The following PLCH2 variants were observed in gnomAD, a reference collection of about 807,000 sequenced individuals.
PLCH2 encodes phospholipase C eta 2.
In PLCH2, 98 loss-of-function variants were observed where a neutral mutation model predicts 134.7. The ratio of observed to expected loss-of-function variants is 0.73; its 90% CI spans 0.62 to 0.86. The LOEUF is 0.86. PLCH2 is among the 40% of genes least tolerant of loss of function. The pLI, the probability that PLCH2 is intolerant of heterozygous loss-of-function variation, is 0.00. For synonymous variants in PLCH2, 974 were observed against 827.5 expected, an observed-to-expected ratio of 1.18 and a Z score of -3.04; for missense variants, 1,994 against 1,986.6, an observed-to-expected ratio of 1.00 and a Z score of -0.07.
chr1:2,446,051 A>G (rs1209619397), intron 2 of PLCH2, among the ~76,000 whole-genome samples: 1 of 152,116 alleles, frequency 6.6e-6, no homozygotes, highest in Admixed American at 6.5e-5. Context: ...AGGGGGGCTG[A>G]GGACCAGCCC....
chr1:2,418,826 C>G, the PLCH2 span, among the ~76,000 whole-genome samples: 1 of 152,240 alleles, frequency 6.6e-6, no homozygotes, highest in Non-Finnish European at 1.5e-5. Flanking sequence ...GGCTGTCCCC[C>G]TCTCCCTGGC....
At chr1:2,463,089 T>C (rs1326710047), upstream of PLCH2, among the ~76,000 whole-genome samples, 2 of 152,294 alleles carry the variant, frequency 1.3e-5, no homozygotes, top group Non-Finnish European at 2.9e-5. Flanking sequence ...TGCATTTCTG[T>C]CTTTAAATGT....
upstream of PLCH2, among the ~76,000 whole-genome samples, chr1:2,464,602 G>C (rs1034348022): frequency 2.3e-4 from 35 of 152,202 alleles, no homozygotes; most frequent in Non-Finnish European, 3.7e-4. Flanking sequence ...GAGGAGGGGG[G>C]CCACCTCCTG....
rs1290596986 is a variant in PLCH2, at chr1:2,444,008, C to A, written c.115+13379C>A. Among the ~76,000 whole-genome samples the A allele has an allele frequency of 6.6e-6, 1 of 152,164 alleles. No homozygotes were observed. The highest frequency in any genetic ancestry group is 1.5e-5 in the Non-Finnish European group (1 of 68,020). On this transcript the variant is annotated intron_variant, in intron 2 of 3. Coordinates refer to the PLCH2 transcript ENST00000609981. This position sits in a 1 kb window ranked among gnomAD's most constrained non-coding sequence, Gnocchi z 4.6. ...CTCCTGCCGCTGCGCCGCTGCCAAC[C>A]GGGATGCGCGGGTGGACGCGCGGGG... is the stretch of plus-strand genomic sequence containing the variant.
At chr1:2,479,277 C>T (rs534588972) in intron 2 of PLCH2, 26 of 168,262 alleles carry the variant, frequency 1.5e-4, no homozygotes, top group Non-Finnish European at 3.0e-4. Flanking sequence ...AGTCGCGCTG[C>T]GGAGCCCCCA....
rs769697292 is a variant in PLCH2, at chr1:2,476,731, GTGGCCTGGGCTGAGTGC to G, written c.124+25_124+41del. The G allele has an allele frequency of 6.3e-7, 1 of 1,595,730 alleles. No individual in the cohort carries two copies. Among genetic ancestry groups the G allele is most frequent in the Admixed American group, 1.7e-5 (1 of 58,286 alleles). On this transcript the variant is annotated intron_variant, in intron 1 of 21. Transcript: ENST00000378486. ...CCCCTGGGTAAGAAGGGGCAGGCGA[GTGGCCTGGGCTGAGTGC>G]TGGCCCTGGCCAGGTGACTGGTGGG...
intron 2 of PLCH2, 183 bp from the exon 3 acceptor site, chr1:2,479,551 G>A: frequency 1.7e-6 from 1 of 605,776 alleles, no homozygotes; most frequent in East Asian, 2.8e-5. Flanking sequence ...CAGCAGTGGG[G>A]GGCTGTGCAG....
rs551225682 is a variant in PLCH2 at position 2,499,292 on chromosome 1, C to T, written c.2581+62C>T. The T allele has an allele frequency of 1.2e-5, 19 of 1,574,898 alleles. No homozygotes were observed. The African/African-American group carries it at 2.4e-4, about 20-fold the overall frequency. On this transcript the variant is annotated intron_variant, in intron 19 of 21. Coordinates refer to ENST00000378486, the MANE Select transcript of PLCH2 (RefSeq NM_014638.4). ...CGAGGGCCCCAGGGCAGGGCAGGTA[C>T]TCTTTCCCCTGTGAGTCAGTGCCTG...
chr1:2,444,674 G>A lies in PLCH2; in HGVS notation c.115+14045G>A, dbSNP rs1639856959. ...AGATAAGAGGCTTCCCCTCCCCTCC[G>A]CTCCCCGCCTCCCACACTGTCTGGT... On this transcript the variant is annotated intron_variant, in intron 2 of 3. Coordinates refer to the PLCH2 transcript ENST00000609981. The surrounding 1 kb of genome is among the most constrained non-coding windows in gnomAD (Gnocchi z 4.6). 6.6e-6 allele frequency among the ~76,000 whole-genome samples: 1 copy of A among 152,092 alleles called. No individual in the cohort carries two copies. The highest frequency in any genetic ancestry group is 6.5e-5 in the Admixed American group (1 of 15,276).
In PLCH2 at chr1:2,477,871, G is replaced by T. The variant is rs529647399; in HGVS notation, c.125-605G>T. ...GGGGGCTTTCCTGGAGATGCCCCAGGCAGGGGCACAGGCACTCAGGAATTC... is the reference window on the plus strand; with the variant it reads ...GGGGGCTTTCCTGGAGATGCCCCAGTCAGGGGCACAGGCACTCAGGAATTC... On this transcript the variant is annotated intron_variant, in intron 1 of 21. Transcript: ENST00000378486. Among the ~76,000 whole-genome samples, 214 of 152,334 alleles carry T rather than the reference G, an allele frequency of 1.4e-3. 1 individual carries two copies. In the Middle Eastern group the frequency reaches 0.048, roughly 34 times the overall value.
At chr1:2,503,021 G>A (rs558057709) in intron 21 of PLCH2, 15 of 714,490 alleles carry the variant, frequency 2.1e-5, no homozygotes, top group African/African-American at 5.2e-5. Context: ...GCTCGTGCTC[G>A]TGGCTCTGTA....
At chr1:2,465,615 T>A (rs114957890), upstream of PLCH2, among the ~76,000 whole-genome samples, 718 of 152,286 alleles carry the variant, frequency 4.7e-3, 7 homozygotes, top group African/African-American at 0.016. Flanking sequence ...CCGGGCCAAA[T>A]GCTCTCAAAG....
At chr1:2,431,744 T>C (rs1190188183) in intron 2 of PLCH2, among the ~76,000 whole-genome samples, 1 of 152,028 alleles carries the variant, frequency 6.6e-6, no homozygotes, top group Non-Finnish European at 1.5e-5. Flanking sequence ...CTCATCACAG[T>C]CCCTGCCTCT....
At chr1:2,475,357 G>A (rs1641557714), upstream of PLCH2, among the ~76,000 whole-genome samples, 1 of 152,216 alleles carries the variant, frequency 6.6e-6, no homozygotes, top group African/African-American at 2.4e-5. Context: ...GAAGAAGGGC[G>A]GGGTTCTCCC....
At chr1:2,416,172 G>A in the PLCH2 span, among the ~76,000 whole-genome samples, 202 of 152,354 alleles carry the variant, frequency 1.3e-3, 1 homozygote, top group African/African-American at 4.3e-3. Flanking sequence ...GGCACCCAGC[G>A]GTCGCTCAGG....
At chr1:2,427,842 G>A (rs1044455560) in intron 1 of PLCH2, among the ~76,000 whole-genome samples, 3 of 152,148 alleles carry the variant, frequency 2.0e-5, no homozygotes, top group Admixed American at 2.0e-4. Context: ...GGTGGGAGCC[G>A]GCTTGGACTC....
upstream of PLCH2, among the ~76,000 whole-genome samples, chr1:2,462,927 G>T (rs768656701): frequency 1.3e-5 from 2 of 152,194 alleles, no homozygotes; most frequent in Non-Finnish European, 2.9e-5. Flanking sequence ...AACCGAAGCC[G>T]TAACATCCAT....
At position 2,489,302 on chromosome 1, in the gene PLCH2, A is replaced by T; in HGVS notation, c.1331A>T (p.Asp444Val). The T allele has an allele frequency of 6.2e-7, 1 of 1,613,824 alleles. No homozygotes were observed. ...ACTGACATCCTTGGGGACAAGCTGG[A>T]CCTGTCATCAGTGAGCAGTGAAGAT... ...YLTDILGDKL[D>V]LSSVSSEDAT... The change falls in exon 9 of 22, where the codon GAC becomes GTC. Residue 444 changes from aspartate to valine, a missense_variant. By Grantham distance (152) the Asp-to-Val change is radical. This residue lies in a region of PLCH2 where 1,094 missense variants were observed against 1,234.3 expected (regional missense o/e 0.89). Coordinates refer to ENST00000378486, the MANE Select transcript of PLCH2 (RefSeq NM_014638.4).
In PLCH2 at chr1:2,491,342, G is replaced by T. The variant is rs566310968; in HGVS notation, c.1659+7G>T. On this transcript the variant is annotated splice_region_variant and intron_variant, in intron 11 of 21. Coordinates refer to ENST00000378486, the MANE Select transcript of PLCH2 (RefSeq NM_014638.4). ...TGGAAAGCTCGGACGCAAGGTAGAG[G>T]CCAAAAAGGTGACACCCCTGATGCC... The T allele has an allele frequency of 6.2e-7, 1 of 1,609,684 alleles. No homozygotes were observed. Among genetic ancestry groups the T allele is most frequent in the African/African-American group, 1.3e-5 (1 of 74,804 alleles).
Sources: allele counts gnomAD v4.1 joint callset (sites outside exome capture counted in the v4.1 genomes callset), GRCh38; gene constraint gnomAD v4.1.1; regional missense constraint gnomAD v4.1.1; non-coding constraint Gnocchi (gnomAD v3.1); transcripts MANE v1.5; gene names NCBI Gene and HGNC (gene_info 2026-07-23, HGNC 2026-07-21).